The following RGS9 variants were observed in gnomAD, a reference collection of about 807,000 sequenced individuals.
The protein encoded by RGS9 is regulator of G protein signaling 9.
A neutral mutation model predicts 102.0 loss-of-function variants in RGS9; 78 were observed. The ratio of observed to expected loss-of-function variants is 0.76; its 90% confidence interval spans 0.64 to 0.92. RGS9 has a LOEUF of 0.92. Ranked by LOEUF, RGS9 falls within the 40% of genes least tolerant of loss-of-function variation. The probability of loss-of-function intolerance (pLI) is 0.00; values close to 1 mark genes in which losing one functional copy is unlikely to be tolerated. For missense variants in RGS9, 833 were observed against 866.1 expected, an observed-to-expected ratio of 0.96 and a Z score of 0.48; for synonymous variants, 353 against 318.6, an observed-to-expected ratio of 1.11 and a Z score of -1.15.
At chr17:65,208,811 GA>G (rs1913173230) in intron 16 of RGS9, among the ~76,000 whole-genome samples, 1 of 152,040 alleles carries the variant, frequency 6.6e-6, no homozygotes, top group South Asian at 2.1e-4. Flanking sequence ...TCAAAAGGGG[GA>G]TGGCCGGACC....
chr17:65,204,070 A>G, intron 14 of RGS9, 93 bp from the exon 15 acceptor site: 1 of 1,488,076 alleles, frequency 6.7e-7, no homozygotes, highest in Non-Finnish European at 9.3e-7. Flanking sequence ...TCGGTAACCG[A>G]TTCGTATCAG....
chr17:65,184,790 C>CTCTT (rs143580636), intron 9 of RGS9, among the ~76,000 whole-genome samples: 42,568 of 144,050 alleles, frequency 0.3, 9,711 homozygotes, highest in African/African-American at 0.65. Flanking sequence ...CTTTCTCTTT[C>CTCTT]TCTTTCTTTC....
chr17:65,213,076 C>A (rs765198064), intron 17 of RGS9, among the ~76,000 whole-genome samples: 5 of 152,186 alleles, frequency 3.3e-5, no homozygotes, highest in African/African-American at 4.8e-5. Flanking sequence ...AGTCACTTAA[C>A]CTCTCTACAT....
intron 8 of RGS9, among the ~76,000 whole-genome samples, chr17:65,171,808 A>C (rs530905121): frequency 5.1e-4 from 78 of 152,372 alleles, no homozygotes; most frequent in Non-Finnish European, 9.4e-4. Context: ...AACCAAGTAC[A>C]GATCTGAGCA....
intron 1 of RGS9, among the ~76,000 whole-genome samples, chr17:65,137,999 A>G (rs550501583): frequency 1.3e-5 from 2 of 152,344 alleles, no homozygotes; most frequent in East Asian, 3.9e-4. Flanking sequence ...GTGTGTACAC[A>G]TAGACCATGA....
chr17:65,177,860 G>T, intron 9 of RGS9, 57 bp downstream of exon 9: 2 of 1,372,026 alleles, frequency 1.5e-6, no homozygotes, highest in Non-Finnish European at 2.1e-6. Flanking sequence ...GGGCTGGGAA[G>T]GTGTCCACAT....
chr17:65,188,049 A>G (rs1912197498), intron 9 of RGS9, among the ~76,000 whole-genome samples: 1 of 152,202 alleles, frequency 6.6e-6, no homozygotes, highest in Admixed American at 6.5e-5. Flanking sequence ...CTCTTGAAGT[A>G]TAAGAGTCAG....
At chr17:65,189,390 C>A in intron 10 of RGS9, 75 bp downstream of exon 10, 1 of 1,146,382 alleles carries the variant, frequency 8.7e-7, no homozygotes, top group Non-Finnish European at 1.3e-6. Context: ...GTTTTACCCT[C>A]TGCGCTTGGT....
At chr17:65,195,454 T>C (rs1474701319) in intron 12 of RGS9, among the ~76,000 whole-genome samples, 1 of 152,130 alleles carries the variant, frequency 6.6e-6, no homozygotes, top group African/African-American at 2.4e-5. Context: ...ACCAAATATA[T>C]ATATACACAT....
intron 9 of RGS9, among the ~76,000 whole-genome samples, chr17:65,178,200 C>T (rs1237175607): frequency 1.3e-5 from 2 of 152,112 alleles, no homozygotes; most frequent in Non-Finnish European, 2.9e-5. Flanking sequence ...GACTGTAGAC[C>T]CCAGCCTCGA....
rs755935395 is a variant in RGS9, at chr17:65,225,520, G to C, written c.1892+34G>C. 7 of 1,599,202 alleles carry C rather than the reference G, an allele frequency of 4.4e-6. No individual in the cohort carries two copies. The Admixed American group carries it at 1.2e-4, about 27-fold the overall frequency. ...CCGAAGGGGACGTGCCGTATGCATG[G>C]GTGGCTGTGGGTGTGCAGGCCTCTG... On this transcript the variant is annotated intron_variant, in intron 18 of 18. Transcript: ENST00000262406.
At chr17:65,210,782 C>A in intron 17 of RGS9, 177 bp downstream of exon 17, 1 of 1,041,366 alleles carries the variant, frequency 9.6e-7, no homozygotes, top group Non-Finnish European at 1.4e-6. Flanking sequence ...TCCCATACTC[C>A]TCTAACTTTC....
intron 17 of RGS9, among the ~76,000 whole-genome samples, chr17:65,216,543 A>G (rs1396028450): frequency 1.3e-5 from 2 of 152,218 alleles, no homozygotes; most frequent in African/African-American, 4.8e-5. Flanking sequence ...CGGCTGAGAC[A>G]GGAGAATCGC....
chr17:65,181,887 C>A (rs1911898277), intron 9 of RGS9, among the ~76,000 whole-genome samples: 1 of 152,222 alleles, frequency 6.6e-6, no homozygotes, highest in Non-Finnish European at 1.5e-5. Flanking sequence ...CGTAGAGACA[C>A]TCCACACACA....
At chr17:65,218,657 TC>T (rs1913597659) in intron 17 of RGS9, among the ~76,000 whole-genome samples, 2 of 152,186 alleles carry the variant, frequency 1.3e-5, no homozygotes, top group Admixed American at 1.3e-4. Context: ...CTCTCTTTCC[TC>T]CCCCTTTCTT....
At position 65,168,230 on chromosome 17, in the gene RGS9, A is replaced by T. The variant is rs1339528266; in HGVS notation, c.531A>T (p.Arg177Ser). ...GAAAGGAGAGGAACAAAGCAGACAGATATGCCCTGGACTGCCAGGAGAAGG... is the reference window on the plus strand; with the variant it reads ...GAAAGGAGAGGAACAAAGCAGACAGTTATGCCCTGGACTGCCAGGAGAAGG... Reference protein sequence around the residue: ...RAGKERNKADRYALDCQEKAY... With the variant: ...RAGKERNKADSYALDCQEKAY... Residue 177 changes from arginine to serine, a missense_variant, in exon 8 of 19, where the codon AGA becomes AGT. Arg to Ser is a moderately radical substitution (Grantham distance 110). Transcript: ENST00000262406. 6.2e-7 allele frequency: 1 copy of T among 1,611,630 alleles called. No homozygotes were observed. The highest frequency in any genetic ancestry group is 2.2e-5 in the East Asian group (1 of 44,816).
chr17:65,216,115 T>C lies in RGS9; in HGVS notation c.1407+5510T>C, dbSNP rs192446238. ...AGAGAGCTGTGGTTAATAATTATAG[T>C]TCCCCCTTCTTCCAGAAGGGATTTG... is the stretch of plus-strand genomic sequence containing the variant. On this transcript the variant is annotated intron_variant, in intron 17 of 18. Transcript: ENST00000262406. Among the ~76,000 whole-genome samples, 1,125 of 152,314 alleles carry C rather than the reference T, an allele frequency of 7.4e-3. 13 individuals are homozygous for C. Among genetic ancestry groups the C allele is most frequent in the Non-Finnish European group, 9.2e-3 (629 of 68,016 alleles).
intron 16 of RGS9, 129 bp downstream of exon 16, chr17:65,208,136 G>C (rs1567889933): frequency 2.9e-6 from 2 of 695,820 alleles, no homozygotes; most frequent in Non-Finnish European, 5.2e-6. Context: ...GGGAAGTATT[G>C]CTCAGGGAAT....
rs114566367 is a variant in RGS9 at position 65,158,422 on chromosome 17, A to T, written c.205+77A>T. 8.5e-4 allele frequency: 1,120 copies of T among 1,321,098 alleles called. 5 individuals are homozygous for T. The African/African-American group carries it at 0.013, about 16-fold the overall frequency. 81.8% of individuals were successfully genotyped at this position (1,321,098 alleles called of 1,614,324 possible). A position where few individuals can be genotyped will look rare whatever the true frequency, so the allele number is the denominator to read the frequency against. On this transcript the variant is annotated intron_variant, in intron 3 of 18. Coordinates refer to ENST00000262406, the MANE Select transcript of RGS9 (RefSeq NM_003835.4). The stretch of plus-strand genomic sequence containing the variant: ...CATGGGAGAAACTAAATAGAGACTT[A>T]GCCTGTGTTTCTGAGAAATTTACAT...
Sources: gnomAD v4.1 joint callset for allele counts (sites outside exome capture counted in the v4.1 genomes callset) on GRCh38, gnomAD v4.1.1 for gene constraint, MANE v1.5 for transcripts, NCBI Gene and HGNC (gene_info 2026-07-23, HGNC 2026-07-21) for gene names.